Variants in NTRK3 observed in about 807,000 individuals in gnomAD.
NTRK3 encodes NT-3 growth factor receptor.
Under a neutral mutation model 91.7 loss-of-function variants are expected in NTRK3, and 24 were observed. The observed-to-expected ratio is 0.26, with a 90% CI of 0.19 to 0.37. The LOEUF (loss-of-function observed/expected upper bound fraction) is 0.37, where lower values mean the gene tolerates loss of function less well. Among genes scored for constraint, NTRK3 ranks in the 10% least tolerant of loss-of-function variants. The probability of loss-of-function intolerance (pLI) is 1.00; values close to 1 mark genes in which losing one functional copy is unlikely to be tolerated. For missense variants in NTRK3, 880 were observed against 1,068.9 expected, an observed-to-expected ratio of 0.82 and a Z score of 2.46; for synonymous variants, 483 against 404.0, an observed-to-expected ratio of 1.20 and a Z score of -2.34.
At position 88,044,254 on chromosome 15, in the gene NTRK3, CTTTTTTTTTT is replaced by C. The variant is rs1181028004; in HGVS notation, c.1397-11219_1397-11210del. 6.4e-5 allele frequency among the ~76,000 whole-genome samples: 5 copies of C among 78,510 alleles called. No homozygotes were observed. In the South Asian group the frequency reaches 1.7e-3, roughly 26 times the overall value. The allele number at this position is 78,510 out of a possible 152,430, so 51.5% of individuals were successfully genotyped here. A position where few individuals can be genotyped will look rare whatever the true frequency, so the allele number is the denominator to read the frequency against. ...GCTGTGGGATTCCCAAGTCTATGTT[CTTTTTTTTTT>C]TTTTTTTTTTTTTTGAGATGGAGTC... On this transcript the variant is annotated intron_variant, in intron 13 of 18. Coordinates refer to ENST00000394480, the Ensembl canonical transcript of NTRK3.
At chr15:88,210,066 C>G (rs1376142434) in intron 3 of NTRK3, 1 of 152,298 alleles carries the variant, frequency 6.6e-6, no homozygotes, top group Non-Finnish European at 1.5e-5. Context: ...ATACCCTCTT[C>G]TATGTGTCCT....
chr15:87,998,159 G>A (rs186468043), intron 14 of NTRK3, among the ~76,000 whole-genome samples: 5 of 152,224 alleles, frequency 3.3e-5, no homozygotes, highest in African/African-American at 9.6e-5. Context: ...TGTGATCATC[G>A]AAAGTGTCTC....
In NTRK3 at chr15:88,195,989, C is replaced by A. The variant is rs144712559; in HGVS notation, c.249-11690G>T. ...AAAGCACTTATCACTTCTTTAATAACTACCCGCATGGAGGACTTAATTCAC... is the reference window on the plus strand; with the variant it reads ...AAAGCACTTATCACTTCTTTAATAAATACCCGCATGGAGGACTTAATTCAC... On this transcript the variant is annotated intron_variant, in intron 3 of 18. Transcript: ENST00000394480. Among the ~76,000 whole-genome samples, 97 of 152,338 alleles carry A rather than the reference C, an allele frequency of 6.4e-4. 1 individual carries two copies. Among genetic ancestry groups the A allele is most frequent in the African/African-American group, 2.2e-3 (93 of 41,570 alleles).
intron 13 of NTRK3, among the ~76,000 whole-genome samples, chr15:88,101,422 C>T (rs1171734950): frequency 1.3e-5 from 2 of 152,184 alleles, no homozygotes; most frequent in African/African-American, 4.8e-5. Context: ...GTTGGTGGGA[C>T]TGTAAACTAG....
chr15:88,160,282 A>G (rs959169017), intron 5 of NTRK3, among the ~76,000 whole-genome samples: 1 of 152,176 alleles, frequency 6.6e-6, no homozygotes, highest in Non-Finnish European at 1.5e-5. Context: ...GCCACACTCA[A>G]GGAGTCACAG....
intron 13 of NTRK3, among the ~76,000 whole-genome samples, chr15:88,123,217 A>C (rs2052922004): frequency 6.6e-6 from 1 of 152,186 alleles, no homozygotes; most frequent in South Asian, 2.1e-4. Flanking sequence ...ACAGCAACCC[A>C]GTGAGGGAGG....
At chr15:88,199,802 C>A (rs971969837) in intron 3 of NTRK3, among the ~76,000 whole-genome samples, 2 of 152,344 alleles carry the variant, frequency 1.3e-5, no homozygotes, top group African/African-American at 4.8e-5. Flanking sequence ...AGGCCAGTAG[C>A]AGCAGAGTTT....
chr15:87,875,268 C>A (rs994162434), exon 19 of NTRK3: 2 of 229,704 alleles, frequency 8.7e-6, no homozygotes, highest in Non-Finnish European at 1.7e-5. Context: ...GGCAGAGGGG[C>A]CCCGTGGCCT....
At chr15:88,089,238 C>T (rs984242904) in intron 13 of NTRK3, among the ~76,000 whole-genome samples, 3 of 152,164 alleles carry the variant, frequency 2.0e-5, no homozygotes, top group Admixed American at 1.3e-4. Context: ...TGCCTGGAGG[C>T]CAGTTACTCA....
chr15:88,116,850 C>G (rs1483413944), intron 13 of NTRK3, among the ~76,000 whole-genome samples: 1 of 152,220 alleles, frequency 6.6e-6, no homozygotes, highest in Non-Finnish European at 1.5e-5. Context: ...CAGGATCACT[C>G]AGAGAAATTG....
chr15:87,916,371 C>T (rs1370184941), intron 17 of NTRK3: 6 of 537,706 alleles, frequency 1.1e-5, no homozygotes, highest in African/African-American at 3.8e-5. Context: ...ATGACACATC[C>T]GTAAGGGCCC....
chr15:88,006,463 G>GCA (rs1333701227), intron 14 of NTRK3, among the ~76,000 whole-genome samples: 1 of 152,200 alleles, frequency 6.6e-6, no homozygotes, highest in Non-Finnish European at 1.5e-5. Context: ...AGATCATCAT[G>GCA]CACAACTGCA....
intron 14 of NTRK3, among the ~76,000 whole-genome samples, chr15:88,007,881 A>G (rs1392202954): frequency 6.6e-6 from 1 of 152,126 alleles, no homozygotes; most frequent in Non-Finnish European, 1.5e-5. Context: ...CGTGCCTTAT[A>G]CCCTATGATG....
chr15:88,131,591 C>T (rs2041353443), intron 10 of NTRK3, among the ~76,000 whole-genome samples: 2 of 152,168 alleles, frequency 1.3e-5, no homozygotes, highest in Non-Finnish European at 2.9e-5. Context: ...GTTTCAGAGC[C>T]TGAGAGAAGA....
chr15:87,910,611 GTAAA>G (rs1324093840), intron 17 of NTRK3, among the ~76,000 whole-genome samples: 1 of 152,176 alleles, frequency 6.6e-6, no homozygotes, highest in Non-Finnish European at 1.5e-5. Flanking sequence ...CTGTGTAAAA[GTAAA>G]AAGGGGTTAT....
chr15:88,046,448 CAT>C (rs1174073577), intron 13 of NTRK3, among the ~76,000 whole-genome samples: 1 of 152,130 alleles, frequency 6.6e-6, no homozygotes, highest in African/African-American at 2.4e-5. Context: ...AGAGATGACA[CAT>C]AGGAAGAGCA....
chr15:88,170,844 C>T (rs968726370), intron 5 of NTRK3, among the ~76,000 whole-genome samples: 2 of 152,136 alleles, frequency 1.3e-5, no homozygotes, highest in Non-Finnish European at 2.9e-5. Context: ...TGATGATCAG[C>T]AAAGCCTCAG....
At chr15:88,185,369 T>G (rs1567606833) in intron 3 of NTRK3, among the ~76,000 whole-genome samples, 2 of 152,200 alleles carry the variant, frequency 1.3e-5, no homozygotes, top group Non-Finnish European at 2.9e-5. Context: ...TGGGTATGGA[T>G]CTGATTTCTG....
At chr15:88,163,461 C>G (rs182007801) in intron 5 of NTRK3, among the ~76,000 whole-genome samples, 3 of 152,326 alleles carry the variant, frequency 2.0e-5, no homozygotes, top group East Asian at 3.9e-4. Context: ...CACTCACATG[C>G]TCCCAGAGCA....
Sources: allele counts gnomAD v4.1 joint callset (sites outside exome capture counted in the v4.1 genomes callset), GRCh38; gene constraint gnomAD v4.1.1; transcripts MANE v1.5; gene names NCBI Gene and HGNC (gene_info 2026-07-23, HGNC 2026-07-21).